The following SULF2 variants were observed in gnomAD, a reference collection of about 807,000 sequenced individuals.
The protein encoded by SULF2 is sulfatase 2, also known as extracellular sulfatase Sulf-2.
A neutral mutation model predicts 107.7 loss-of-function variants in SULF2; 52 were observed. The observed-to-expected ratio is 0.48, with a 90% CI of 0.39 to 0.61. The LOEUF (loss-of-function observed/expected upper bound fraction) is 0.61. Among genes scored for constraint, SULF2 ranks in the 20% least tolerant of loss-of-function variants. The pLI, the probability that SULF2 is intolerant of heterozygous loss-of-function variation, is 0.00. For missense variants in SULF2, 993 were observed against 1,177.3 expected (o/e 0.84, Z 2.29); for synonymous variants, 460 against 464.3 (o/e 0.99, Z 0.12).
At chr20:47,683,263 G>A (rs981984974) in intron 6 of SULF2, 94 bp from the exon 7 acceptor site, 32 of 1,275,354 alleles carry the variant, frequency 2.5e-5, no homozygotes, top group African/African-American at 4.4e-5. Flanking sequence ...CTCAGGCCCC[G>A]TCCCTCCCCT....
intron 1 of SULF2, among the ~76,000 whole-genome samples, chr20:47,778,703 C>T (rs1044242252): frequency 1.3e-5 from 2 of 152,178 alleles, no homozygotes; most frequent in African/African-American, 4.8e-5. Flanking sequence ...CTGTTAATCA[C>T]TGAGAAACCA....
intron 1 of SULF2, among the ~76,000 whole-genome samples, chr20:47,759,748 A>C (rs892923248): frequency 6.6e-6 from 1 of 152,234 alleles, no homozygotes; most frequent in Non-Finnish European, 1.5e-5. Flanking sequence ...CTTTCTGTCA[A>C]AAGAACAAAC....
chr20:47,780,375 C>T (rs7264403), intron 1 of SULF2, among the ~76,000 whole-genome samples: 23,732 of 151,954 alleles, frequency 0.16, 1,975 homozygotes, highest in African/African-American at 0.22. Context: ...CCCCTCCCAC[C>T]GCCTCTGGGC....
intron 1 of SULF2, among the ~76,000 whole-genome samples, chr20:47,765,756 C>A (rs953565759): frequency 6.6e-6 from 1 of 152,214 alleles, no homozygotes; most frequent in Non-Finnish European, 1.5e-5. Flanking sequence ...AAGTGACAGA[C>A]AAAACAAGCA....
In SULF2 at chr20:47,742,927, A is replaced by ATTTTTTTTTTTT. The variant is rs397837137; in HGVS notation, c.176-5997_176-5986dup. Among the ~76,000 whole-genome samples the ATTTTTTTTTTTT allele has an allele frequency of 6.0e-5, 6 of 99,452 alleles. 3 individuals carry two copies. The allele number at this position is 99,452 out of a possible 152,430, so 65.2% of individuals were successfully genotyped here. ...AGGGAGTTTCAGGATTCAAAACATG[A>ATTTTTTTTTTTT]TTTTTTTTTTTTTTTTTTTTTTTTT... On this transcript the variant is annotated intron_variant, in intron 2 of 20. Transcript: ENST00000688720.
chr20:47,742,294 A>C (rs1278788314), intron 2 of SULF2, among the ~76,000 whole-genome samples: 2 of 152,208 alleles, frequency 1.3e-5, no homozygotes, highest in East Asian at 3.8e-4. Context: ...GCCACACAGA[A>C]ATGAAAAGGC....
intron 3 of SULF2, among the ~76,000 whole-genome samples, chr20:47,729,608 T>C (rs1205135036): frequency 1.3e-5 from 2 of 151,106 alleles, no homozygotes; most frequent in African/African-American, 4.9e-5. Flanking sequence ...AAATCAAGAA[T>C]GGTGCTAAGG....
chr20:47,671,865 C>T (rs1052487041), intron 11 of SULF2, among the ~76,000 whole-genome samples: 1 of 152,086 alleles, frequency 6.6e-6, no homozygotes, highest in African/African-American at 2.4e-5. Context: ...CAAGCGTGAG[C>T]CACCACATCT....
At chr20:47,695,242 G>A (rs1233308080) in intron 4 of SULF2, among the ~76,000 whole-genome samples, 1 of 152,030 alleles carries the variant, frequency 6.6e-6, no homozygotes, top group Non-Finnish European at 1.5e-5. Context: ...TTAATTTCAT[G>A]TATTTTTCAC....
At chr20:47,777,931 T>C (rs1430217196) in intron 1 of SULF2, among the ~76,000 whole-genome samples, 1 of 150,870 alleles carries the variant, frequency 6.6e-6, no homozygotes. Flanking sequence ...AGCCCAGGAG[T>C]TTGAGACCAG....
At chr20:47,701,945 C>A (rs985528215) in intron 4 of SULF2, among the ~76,000 whole-genome samples, 5 of 152,172 alleles carry the variant, frequency 3.3e-5, no homozygotes, top group African/African-American at 4.8e-5. Flanking sequence ...GTGCGGCAAG[C>A]CTTTGAATGG....
chr20:47,678,851 C>G lies in SULF2; in HGVS notation c.1065-47G>C. The G allele has an allele frequency of 6.3e-7, 1 of 1,591,536 alleles. No individual in the cohort carries two copies. On this transcript the variant is annotated intron_variant, in intron 7 of 20. Coordinates refer to ENST00000688720, the MANE Select transcript of SULF2 (RefSeq NM_001387048.1). The surrounding 1 kb of genome is among the most constrained non-coding windows in gnomAD (Gnocchi z 4.5). ...GGACTCAGTCACTCAGGTGGTGGTG[C>G]CTCAGCCTCGCGTGGGGGGTGGGGA... is the stretch of plus-strand genomic sequence containing the variant.
intron 4 of SULF2, among the ~76,000 whole-genome samples, chr20:47,691,521 A>G (rs2088196480): frequency 6.6e-6 from 1 of 152,156 alleles, no homozygotes; most frequent in African/African-American, 2.4e-5. Flanking sequence ...CAGACTTTTA[A>G]AAAACTCCCC....
At chr20:47,706,762 C>T (rs371165099) in intron 3 of SULF2, 1 of 152,182 alleles carries the variant, frequency 6.6e-6, no homozygotes, top group Admixed American at 6.6e-5. Context: ...AAGTCTGTCA[C>T]ACTCTGGAGT....
intron 2 of SULF2, among the ~76,000 whole-genome samples, chr20:47,748,366 C>T (rs1283062093): frequency 1.3e-5 from 2 of 152,358 alleles, no homozygotes; most frequent in Non-Finnish European, 2.9e-5. Flanking sequence ...GCCACACAAC[C>T]CCACTTCCCA....
At chr20:47,745,381 G>A (rs2089981669) in intron 2 of SULF2, among the ~76,000 whole-genome samples, 1 of 17,214 alleles carries the variant, frequency 5.8e-5, no homozygotes, top group African/African-American at 6.8e-4. Context: ...GAGTTTTGAG[G>A]GAAAAAAAAA....
intron 9 of SULF2, 72 bp from the exon 10 acceptor site, chr20:47,676,695 C>A: frequency 6.5e-7 from 1 of 1,526,852 alleles, no homozygotes; most frequent in Non-Finnish European, 8.8e-7. Flanking sequence ...CATGTGTGCC[C>A]ACCTAGAGGG....
At chr20:47,740,327 G>A (rs770451877) in intron 2 of SULF2, among the ~76,000 whole-genome samples, 5 of 152,196 alleles carry the variant, frequency 3.3e-5, no homozygotes, top group Non-Finnish European at 7.3e-5. Flanking sequence ...ACAGTCACAC[G>A]GGAGGTGGTA....
chr20:47,728,507 C>T (rs761633390), intron 3 of SULF2, among the ~76,000 whole-genome samples: 8 of 151,854 alleles, frequency 5.3e-5, no homozygotes, highest in Non-Finnish European at 8.8e-5. Context: ...GGGCTGCTGG[C>T]GGGGACAGAA....
Sources: allele counts gnomAD v4.1 joint callset (sites outside exome capture counted in the v4.1 genomes callset), GRCh38; gene constraint gnomAD v4.1.1; non-coding constraint Gnocchi (gnomAD v3.1); transcripts MANE v1.5; gene names NCBI Gene and HGNC (gene_info 2026-07-23, HGNC 2026-07-21).